Variants in TCF25 observed in about 807,000 individuals in gnomAD.
TCF25 encodes ribosome quality control complex subunit TCF25.
A neutral mutation model predicts 83.1 loss-of-function variants in TCF25; 41 were observed. That is an observed-to-expected ratio of 0.49 (90% CI 0.38 to 0.64). The LOEUF is 0.64. Among genes scored for constraint, TCF25 ranks in the 30% least tolerant of loss-of-function variants. The pLI is 0.00. For synonymous variants in TCF25, 458 were observed against 365.0 expected (o/e 1.25, Z -2.90); for missense variants, 979 against 914.5 (o/e 1.07, Z -0.91).
At chr16:89,883,112 A>C (rs567853981) in intron 1 of TCF25, among the ~76,000 whole-genome samples, 1 of 152,260 alleles carries the variant, frequency 6.6e-6, no homozygotes, top group African/African-American at 2.4e-5. Flanking sequence ...GAAGGCAGAG[A>C]TACCCCATAG....
chr16:89,883,738 C>G, intron 2 of TCF25: 1 of 535,026 alleles, frequency 1.9e-6, no homozygotes, highest in Non-Finnish European at 3.3e-6. Context: ...CTGCGCCTGC[C>G]CAGCAGTGTA....
At chr16:89,884,078 G>GC (rs1481914110) in intron 2 of TCF25, 1 of 168,062 alleles carries the variant, frequency 6.0e-6, no homozygotes, top group Non-Finnish European at 1.3e-5. Flanking sequence ...ACGTGCCTTT[G>GC]CCCCCCAGGA....
intron 5 of TCF25, among the ~76,000 whole-genome samples, chr16:89,888,174 G>C (rs781518460): frequency 2.6e-5 from 4 of 152,154 alleles, no homozygotes; most frequent in Non-Finnish European, 5.9e-5. Flanking sequence ...GCTGAGGCGG[G>C]ACATTCGCTT....
At chr16:89,910,355 G>A (rs2045456516) in intron 16 of TCF25, 2 of 566,528 alleles carry the variant, frequency 3.5e-6, no homozygotes, top group African/African-American at 3.8e-5. Context: ...TGCCTCAGCT[G>A]AGTTGGTCTC....
chr16:89,882,188 T>C (rs2042659858), intron 1 of TCF25, among the ~76,000 whole-genome samples: 1 of 152,216 alleles, frequency 6.6e-6, no homozygotes, highest in African/African-American at 2.4e-5. Context: ...CTAAGATTCA[T>C]CCATATTGTG....
intron 5 of TCF25, among the ~76,000 whole-genome samples, chr16:89,890,993 G>C (rs2043384260): frequency 6.6e-6 from 1 of 152,074 alleles, no homozygotes; most frequent in Non-Finnish European, 1.5e-5. Flanking sequence ...TCCTTCTGGT[G>C]GTTCTCTCAG....
intron 13 of TCF25, 161 bp downstream of exon 13, chr16:89,904,366 G>T (rs1326847421): frequency 1.3e-6 from 1 of 764,416 alleles, no homozygotes; most frequent in African/African-American, 1.7e-5. Context: ...GACGGCTCTG[G>T]AGCCCTCATC....
intron 6 of TCF25, among the ~76,000 whole-genome samples, chr16:89,893,100 T>C (rs945082200): frequency 6.6e-6 from 1 of 152,146 alleles, no homozygotes; most frequent in Non-Finnish European, 1.5e-5. Context: ...TCCATGGCCA[T>C]GTATTCCTGC....
intron 16 of TCF25, chr16:89,908,947 TG>T: frequency 1.6e-5 from 20 of 1,289,184 alleles, no homozygotes; most frequent in Middle Eastern, 2.1e-4. Flanking sequence ...CAGGGCTAAG[TG>T]GGTCTTTCCC....
rs776691921 is a variant in TCF25 at position 89,889,248 on chromosome 16, G to A, written c.614+1531G>A. On this transcript the variant is annotated intron_variant, in intron 5 of 17. Coordinates refer to ENST00000263346, the MANE Select transcript of TCF25 (RefSeq NM_014972.3). ...TTTAGAGACAGGGTCTTGCTGGGTT[G>A]TCCAGTCTGGTTTTGAACTCGTGGC... 5.0e-6 allele frequency: 2 copies of A among 399,712 alleles called. 1 individual carries two copies. Among genetic ancestry groups the A allele is most frequent in the South Asian group, 3.8e-5 (2 of 52,812 alleles). The allele number at this position is 399,712 out of a possible 1,614,324, so 24.8% of individuals were successfully genotyped here.
chr16:89,890,930 A>T (rs1440572071), intron 5 of TCF25, among the ~76,000 whole-genome samples: 1 of 152,032 alleles, frequency 6.6e-6, no homozygotes, highest in Non-Finnish European at 1.5e-5. Context: ...TTTCCTTTTT[A>T]TTCATTCCTT....
chr16:89,876,589 G>C (rs925898238), intron 1 of TCF25, among the ~76,000 whole-genome samples: 2 of 152,148 alleles, frequency 1.3e-5, no homozygotes, highest in Non-Finnish European at 2.9e-5. Flanking sequence ...TCAGGAGTTC[G>C]AGAGCAGCCT....
At chr16:89,902,950 T>C (rs1265651941) in intron 12 of TCF25, among the ~76,000 whole-genome samples, 2 of 152,200 alleles carry the variant, frequency 1.3e-5, no homozygotes, top group African/African-American at 4.8e-5. Flanking sequence ...GGGCAGCTTC[T>C]AGCACAGGCA....
At position 89,906,287 on chromosome 16, in the gene TCF25, A is replaced by C. The variant is rs1468681640; in HGVS notation, c.1719+3A>C. The C allele has an allele frequency of 6.2e-7, 1 of 1,612,232 alleles. No homozygotes were observed. The highest frequency in any genetic ancestry group is 1.3e-5 in the African/African-American group (1 of 74,892). ...AAGCCGTCGCTGCCCTGCCCCCGGT[A>C]AGGGAGAAAGGCTGAAATGGGAGCT... is the stretch of plus-strand genomic sequence containing the variant. On this transcript the variant is annotated splice_donor_region_variant and intron_variant, in intron 15 of 17. Transcript: ENST00000263346.
At chr16:89,897,039 A>G (rs982666993) in intron 9 of TCF25, among the ~76,000 whole-genome samples, 1 of 151,794 alleles carries the variant, frequency 6.6e-6, no homozygotes, top group African/African-American at 2.4e-5. Flanking sequence ...AAAAAAAAAA[A>G]AAGAAGAAGA....
chr16:89,879,922 C>G (rs751944188), intron 1 of TCF25, among the ~76,000 whole-genome samples: 2 of 151,272 alleles, frequency 1.3e-5, no homozygotes, highest in African/African-American at 2.4e-5. Context: ...TCCGTGTACA[C>G]AGACAGGCTC....
intron 1 of TCF25, among the ~76,000 whole-genome samples, chr16:89,874,183 G>C (rs934655136): frequency 6.6e-6 from 1 of 152,244 alleles, no homozygotes; most frequent in African/African-American, 2.4e-5. Flanking sequence ...CCGGGTTGTG[G>C]AGGGTGCGGG....
intron 9 of TCF25, among the ~76,000 whole-genome samples, chr16:89,898,120 AAAG>A (rs1447707257): frequency 2.0e-5 from 3 of 152,208 alleles, no homozygotes; most frequent in Non-Finnish European, 4.4e-5. Context: ...AAAAAAAAAA[AAAG>A]ATTTCAAAGA....
Position 89,908,180 on chromosome 16 carries a change from C to G in TCF25, c.1799+858C>G, listed in dbSNP as rs1169564562. Among the ~76,000 whole-genome samples, 3 of 137,444 alleles carry G rather than the reference C, an allele frequency of 2.2e-5. No individual in the cohort carries two copies. In the East Asian group the frequency reaches 7.2e-4, roughly 33 times the overall value. 90.2% of individuals were successfully genotyped at this position (137,444 alleles called of 152,430 possible). ...CCTCCTCCCAGCTCCCACCTTCCAG[C>G]TCCCGCCTCCCTCCTCCAAGTTCCC... On this transcript the variant is annotated intron_variant, in intron 16 of 17. Transcript: ENST00000263346.
Sources: gnomAD v4.1 joint callset for allele counts (sites outside exome capture counted in the v4.1 genomes callset) on GRCh38, gnomAD v4.1.1 for gene constraint, MANE v1.5 for transcripts, NCBI Gene and HGNC (gene_info 2026-07-23, HGNC 2026-07-21) for gene names.